Variants in SV2C observed in about 807,000 individuals in gnomAD.
SV2C encodes synaptic vesicle glycoprotein 2C.
A neutral mutation model predicts 79.7 loss-of-function variants in SV2C; 49 were observed. The ratio of observed to expected loss-of-function variants is 0.61; its 90% CI spans 0.49 to 0.78. The LOEUF (loss-of-function observed/expected upper bound fraction) is 0.78. SV2C is among the 30% of genes least tolerant of loss of function. SV2C has a pLI of 0.00. For synonymous variants in SV2C, 334 were observed against 333.2 expected (o/e 1.00, Z -0.03); for missense variants, 833 against 912.9 (o/e 0.91, Z 1.13).
At chr5:75,911,473 C>A in the SV2C span, 1 of 874,090 alleles carries the variant, frequency 1.1e-6, no homozygotes, top group Admixed American at 2.3e-5. Context: ...AGGGAACATA[C>A]CCTCCAGTCC....
chr5:76,269,251 T>C (rs1746766738), intron 4 of SV2C, among the ~76,000 whole-genome samples: 3 of 152,232 alleles, frequency 2.0e-5, no homozygotes, highest in Admixed American at 1.3e-4. Context: ...CTCCAGGCTT[T>C]ACCAAATGTC....
At chr5:76,290,251 C>T (rs570376023) in intron 6 of SV2C, among the ~76,000 whole-genome samples, 1 of 152,330 alleles carries the variant, frequency 6.6e-6, no homozygotes, top group Non-Finnish European at 1.5e-5. Context: ...CTACTGCCTA[C>T]TTGGTATAAT....
chr5:76,230,808 GAAAA>G (rs908600016), intron 4 of SV2C, among the ~76,000 whole-genome samples: 40 of 149,288 alleles, frequency 2.7e-4, no homozygotes, highest in African/African-American at 9.7e-4. Context: ...AAAAAGAAAA[GAAAA>G]GAAAGAAAGG....
chr5:76,075,269 C>T, the SV2C span, among the ~76,000 whole-genome samples: 10 of 152,094 alleles, frequency 6.6e-5, no homozygotes, highest in African/African-American at 2.2e-4. Flanking sequence ...TTTATATTTT[C>T]GGGAGTAAGG....
chr5:75,968,903 A>T, the SV2C span, among the ~76,000 whole-genome samples: 1 of 152,198 alleles, frequency 6.6e-6, no homozygotes, highest in Non-Finnish European at 1.5e-5. Context: ...ATGAAGGAAA[A>T]AATGTTAACG....
At chr5:76,161,377 G>A (rs1742893245) in intron 2 of SV2C, among the ~76,000 whole-genome samples, 1 of 152,136 alleles carries the variant, frequency 6.6e-6, no homozygotes, top group African/African-American at 2.4e-5. Context: ...TGGATGAGAG[G>A]ATGGGATGGT....
At chr5:76,182,118 T>C (rs1743753251) in intron 2 of SV2C, among the ~76,000 whole-genome samples, 1 of 152,132 alleles carries the variant, frequency 6.6e-6, no homozygotes, top group Admixed American at 6.5e-5. Flanking sequence ...TTTTTGAAGC[T>C]CCTGAATCAT....
chr5:76,177,228 A>ATC (rs1337880996), intron 2 of SV2C, among the ~76,000 whole-genome samples: 3 of 53,182 alleles, frequency 5.6e-5, no homozygotes, highest in African/African-American at 3.6e-4. Context: ...AAATATATTA[A>ATC]TCTGTATATA....
At chr5:75,880,317 A>T in the SV2C span, among the ~76,000 whole-genome samples, 1 of 152,156 alleles carries the variant, frequency 6.6e-6, no homozygotes, top group Non-Finnish European at 1.5e-5. Context: ...GCTAGGCTGA[A>T]CATTTTCCAA....
the SV2C span, among the ~76,000 whole-genome samples, chr5:76,062,646 T>C: frequency 1.6e-4 from 25 of 151,872 alleles, no homozygotes; most frequent in African/African-American, 6.0e-4. Context: ...AACTGTGTAA[T>C]TTTCCTATGT....
chr5:75,869,939 C>T, the SV2C span, among the ~76,000 whole-genome samples: 1 of 152,148 alleles, frequency 6.6e-6, no homozygotes, highest in Admixed American at 6.5e-5. Context: ...AAAACCACAG[C>T]GTTTCTGGGC....
chr5:75,934,873 G>T, the SV2C span, among the ~76,000 whole-genome samples: 1 of 136,710 alleles, frequency 7.3e-6, no homozygotes, highest in Non-Finnish European at 1.5e-5. Flanking sequence ...AGAGCAGATT[G>T]AGCAAAGTTA....
rs1464927787 is a variant in SV2C at position 76,161,392 on chromosome 5, G to A, written c.580+29062G>A. ...TGGATGAGAGGATGGGATGGTGGTGGGGTGGCAGCTACAAGGTACAGGGTT... is the reference window on the plus strand; with the variant it reads ...TGGATGAGAGGATGGGATGGTGGTGAGGTGGCAGCTACAAGGTACAGGGTT... On this transcript the variant is annotated intron_variant, in intron 2 of 12. Coordinates refer to ENST00000502798, the MANE Select transcript of SV2C (RefSeq NM_014979.4). Among the ~76,000 whole-genome samples, 4 of 152,126 alleles carry A rather than the reference G, an allele frequency of 2.6e-5. No homozygotes were observed. The East Asian group carries it at 7.7e-4, about 29-fold the overall frequency.
chr5:76,257,516 GGTGTGGTGTATGAGC>G (rs1428871210), intron 4 of SV2C, among the ~76,000 whole-genome samples: 5 of 151,438 alleles, frequency 3.3e-5, no homozygotes, highest in African/African-American at 1.2e-4. Context: ...GGTGGTGTGT[GGTGTGGTGTATGAGC>G]GTGTGGTGTA....
the SV2C span, among the ~76,000 whole-genome samples, chr5:75,876,211 CA>C: frequency 6.6e-6 from 1 of 152,100 alleles, no homozygotes; most frequent in Non-Finnish European, 1.5e-5. Flanking sequence ...AAACATGGTA[CA>C]TATACATCAT....
the SV2C span, among the ~76,000 whole-genome samples, chr5:75,996,631 C>G: frequency 9.2e-5 from 14 of 152,152 alleles, no homozygotes; most frequent in Middle Eastern, 3.4e-3. Context: ...GAATGTTCTT[C>G]CATTTGTTTG....
chr5:76,303,874 G>A (rs964010881), intron 12 of SV2C, among the ~76,000 whole-genome samples: 1 of 152,192 alleles, frequency 6.6e-6, no homozygotes, highest in African/African-American at 2.4e-5. Context: ...GTGAAGTATG[G>A]GAGAGCTGCA....
At chr5:76,035,215 T>C in the SV2C span, among the ~76,000 whole-genome samples, 71 of 152,094 alleles carry the variant, frequency 4.7e-4, 1 homozygote, top group South Asian at 4.8e-3. Flanking sequence ...GATTCGTTAA[T>C]TTTTTGAAGG....
the SV2C span, among the ~76,000 whole-genome samples, chr5:75,942,367 G>T: frequency 1.1e-3 from 168 of 152,300 alleles, 1 homozygote; most frequent in Admixed American, 2.5e-3. Flanking sequence ...TTAGTTGGTT[G>T]ATCAGATGTT....
Sources: gnomAD v4.1 joint callset for allele counts (sites outside exome capture counted in the v4.1 genomes callset) on GRCh38, gnomAD v4.1.1 for gene constraint, MANE v1.5 for transcripts, NCBI Gene and HGNC (gene_info 2026-07-23, HGNC 2026-07-21) for gene names.